SLIT3: variants seen among roughly 807,000 people sequenced by gnomAD.
SLIT3 encodes the protein slit guidance ligand 3, also known as slit homolog 3 protein.
SLIT3 carries 68 observed loss-of-function variants against 184.0 expected under a neutral mutation model. The ratio of observed to expected loss-of-function variants is 0.37; its 90% CI spans 0.30 to 0.45. The LOEUF (loss-of-function observed/expected upper bound fraction) is 0.45, where lower values mean the gene tolerates loss of function less well. SLIT3 is among the 20% of genes least tolerant of loss of function. The pLI, the probability that SLIT3 is intolerant of heterozygous loss-of-function variation, is 1.00. For missense variants in SLIT3, 1,707 were observed against 2,026.0 expected (o/e 0.84, Z 3.02); for synonymous variants, 831 against 828.6 (o/e 1.00, Z -0.05).
chr5:168,728,002 G>A (rs889916122), intron 20 of SLIT3, among the ~76,000 whole-genome samples: 2 of 152,118 alleles, frequency 1.3e-5, no homozygotes, highest in African/African-American at 4.8e-5. Flanking sequence ...AGATCCGAGG[G>A]AGTTGCTAGG....
chr5:168,850,740 T>G (rs897487945), intron 5 of SLIT3, among the ~76,000 whole-genome samples: 1 of 152,202 alleles, frequency 6.6e-6, no homozygotes, highest in African/African-American at 2.4e-5. Flanking sequence ...ACCTTCTATT[T>G]CATATAGATC....
At chr5:168,873,308 C>T (rs1379948257) in intron 5 of SLIT3, among the ~76,000 whole-genome samples, 2 of 152,032 alleles carry the variant, frequency 1.3e-5, no homozygotes, top group Non-Finnish European at 2.9e-5. Context: ...CCCTAGTGGT[C>T]CTGCAAGACT....
chr5:168,951,633 GA>G (rs1762654858), intron 4 of SLIT3, among the ~76,000 whole-genome samples: 1 of 152,156 alleles, frequency 6.6e-6, no homozygotes, highest in Non-Finnish European at 1.5e-5. Context: ...TTATTAGTAA[GA>G]AAAATGTTGC....
intron 4 of SLIT3, among the ~76,000 whole-genome samples, chr5:168,884,429 A>ACACG (rs1272796412): frequency 6.8e-6 from 1 of 147,680 alleles, no homozygotes; most frequent in Non-Finnish European, 1.5e-5. Context: ...TCTCTCTCTC[A>ACACG]CACACACACA....
intron 5 of SLIT3, among the ~76,000 whole-genome samples, chr5:168,874,925 G>A (rs890579332): frequency 2.6e-5 from 4 of 152,206 alleles, no homozygotes; most frequent in Middle Eastern, 3.4e-3. Flanking sequence ...GTCTCCCCCT[G>A]TAGACAAAAA....
At chr5:168,811,539 G>A (rs151001870) in intron 8 of SLIT3, among the ~76,000 whole-genome samples, 1 of 152,196 alleles carries the variant, frequency 6.6e-6, no homozygotes, top group African/African-American at 2.4e-5. Context: ...ATCTCAAGAG[G>A]TAGGAAGAGC....
At chr5:169,142,037 G>A (rs368158029) in intron 4 of SLIT3, among the ~76,000 whole-genome samples, 9 of 147,418 alleles carry the variant, frequency 6.1e-5, no homozygotes, top group South Asian at 4.3e-4. Flanking sequence ...GCGGCAGAGC[G>A]AGACTCCTAC....
chr5:168,991,254 C>G (rs902695695), intron 4 of SLIT3, among the ~76,000 whole-genome samples: 2 of 152,154 alleles, frequency 1.3e-5, no homozygotes, highest in African/African-American at 4.8e-5. Context: ...TTCCAAAAAC[C>G]TTATCAAGCA....
intron 4 of SLIT3, among the ~76,000 whole-genome samples, chr5:169,175,912 G>T (rs183326348): frequency 6.6e-6 from 1 of 152,122 alleles, no homozygotes; most frequent in Non-Finnish European, 1.5e-5. Context: ...TGACTTCCAC[G>T]TCCCCCATAA....
At chr5:168,744,286 C>T (rs546605665) in intron 20 of SLIT3, among the ~76,000 whole-genome samples, 1 of 152,260 alleles carries the variant, frequency 6.6e-6, no homozygotes, top group South Asian at 2.1e-4. Flanking sequence ...GAGACTCCAT[C>T]TCAAAACAAA....
At chr5:169,225,636 G>T (rs1199426387) in intron 3 of SLIT3, among the ~76,000 whole-genome samples, 3 of 152,260 alleles carry the variant, frequency 2.0e-5, no homozygotes, top group African/African-American at 7.2e-5. Context: ...CACGCCCGAG[G>T]GGCAGGGAAG....
chr5:169,218,797 T>C (rs955612387), intron 3 of SLIT3, among the ~76,000 whole-genome samples: 1 of 152,218 alleles, frequency 6.6e-6, no homozygotes, highest in African/African-American at 2.4e-5. Flanking sequence ...AAACTCAGTG[T>C]TCAAGGCAGA....
chr5:169,224,385 ATT>A (rs79007664), intron 3 of SLIT3, among the ~76,000 whole-genome samples: 80 of 64,856 alleles, frequency 1.2e-3, no homozygotes, highest in Admixed American at 4.6e-3. Context: ...TTATTTATTT[ATT>A]TTTTTTGAGA....
chr5:169,176,291 C>A (rs1352569435), intron 4 of SLIT3, among the ~76,000 whole-genome samples: 1 of 152,096 alleles, frequency 6.6e-6, no homozygotes, highest in African/African-American at 2.4e-5. Flanking sequence ...TGAGGTTTAC[C>A]TGAAAGAAGG....
chr5:169,274,689 A>C (rs1270119538), intron 1 of SLIT3, among the ~76,000 whole-genome samples: 1 of 152,224 alleles, frequency 6.6e-6, no homozygotes, highest in East Asian at 1.9e-4. Flanking sequence ...AGGGCTTCCA[A>C]GACTGAGTGG....
intron 4 of SLIT3, among the ~76,000 whole-genome samples, chr5:169,176,839 A>G (rs1282652389): frequency 1.3e-5 from 2 of 152,172 alleles, no homozygotes; most frequent in Non-Finnish European, 2.9e-5. Context: ...GAGCTGGTGA[A>G]GAACATGCCC....
intron 3 of SLIT3, among the ~76,000 whole-genome samples, chr5:169,242,730 C>T (rs1765443864): frequency 6.6e-6 from 1 of 152,124 alleles, no homozygotes; most frequent in Non-Finnish European, 1.5e-5. Flanking sequence ...TTATCTAGCA[C>T]AGCAGCTAGC....
At chr5:168,877,094 G>A (rs1303724915) in intron 5 of SLIT3, among the ~76,000 whole-genome samples, 2 of 152,154 alleles carry the variant, frequency 1.3e-5, no homozygotes. Flanking sequence ...GAAACAGGCA[G>A]GATATCTGTG....
intron 14 of SLIT3, among the ~76,000 whole-genome samples, chr5:168,771,174 G>C (rs1237473951): frequency 1.3e-5 from 2 of 152,168 alleles, no homozygotes; most frequent in East Asian, 1.9e-4. Flanking sequence ...GGTAGGAATA[G>C]AGGCCAAGGT....
Sources: allele counts gnomAD v4.1 joint callset (sites outside exome capture counted in the v4.1 genomes callset), GRCh38; gene constraint gnomAD v4.1.1; transcripts MANE v1.5; gene names NCBI Gene and HGNC (gene_info 2026-07-23, HGNC 2026-07-21).